ACOT12: variants seen among roughly 807,000 people sequenced by gnomAD.
The protein encoded by ACOT12 is acyl-CoA thioesterase 12, also known as acetyl-coenzyme A thioesterase.
In ACOT12, 51 loss-of-function variants were observed where a neutral mutation model predicts 67.7. That is an observed-to-expected ratio of 0.75 (90% CI 0.60 to 0.95). ACOT12 has a LOEUF of 0.95. Ranked by LOEUF, ACOT12 falls within the 40% of genes least tolerant of loss-of-function variation. ACOT12 has a pLI of 0.00. For synonymous variants in ACOT12, 251 were observed against 244.6 expected, an observed-to-expected ratio of 1.03 and a Z score of -0.24; for missense variants, 734 against 708.1, an observed-to-expected ratio of 1.04 and a Z score of -0.41.
the ACOT12 span, among the ~76,000 whole-genome samples, chr5:81,310,671 G>A: frequency 9.9e-5 from 15 of 152,128 alleles, no homozygotes; most frequent in African/African-American, 2.9e-4. Context: ...TAGGCAGGTG[G>A]GCATTTTTAT....
chr5:81,319,897 C>G, the ACOT12 span, among the ~76,000 whole-genome samples: 12,603 of 146,860 alleles, frequency 0.086, 602 homozygotes, highest in Middle Eastern at 0.19. Context: ...CTGTGACAAA[C>G]CTTTTTAAAA....
chr5:81,373,977 C>T (rs973983571), intron 2 of ACOT12, among the ~76,000 whole-genome samples: 2 of 152,194 alleles, frequency 1.3e-5, no homozygotes, highest in African/African-American at 2.4e-5. Context: ...GCACAGCGTC[C>T]GAGCTCTGAT....
Position 81,345,927 on chromosome 5 carries a change from C to T in ACOT12, c.731G>A (p.Arg244His), listed in dbSNP as rs199607014. The T allele has an allele frequency of 1.4e-5, 23 of 1,613,854 alleles. No individual in the cohort carries two copies. The highest frequency in any genetic ancestry group is 1.7e-5 in the Non-Finnish European group (20 of 1,179,924). The change falls in exon 7 of 15, where the codon CGT becomes CAT. Residue 244 changes from arginine to histidine, a missense_variant. Arg to His is a conservative substitution (Grantham distance 29). Coordinates refer to ENST00000307624, the MANE Select transcript of ACOT12 (RefSeq NM_130767.3). ...GTTGACAATGGCAGTGAAGACAAGA[C>T]GATCTCCAACTGTAGATGGTCCCCG... ...KFRGPSTVGD[R>H]LVFTAIVNNT...
At chr5:81,340,737 T>C (rs769609306) in intron 11 of ACOT12, among the ~76,000 whole-genome samples, 6 of 152,226 alleles carry the variant, frequency 3.9e-5, no homozygotes, top group Non-Finnish European at 8.8e-5. Context: ...ATTAGAGTCA[T>C]ATTTTGAAAT....
intron 2 of ACOT12, among the ~76,000 whole-genome samples, chr5:81,384,074 C>G (rs1760661255): frequency 6.6e-6 from 1 of 151,502 alleles, no homozygotes; most frequent in South Asian, 2.1e-4. Context: ...CAACTTCCAG[C>G]CTTCCAAGCT....
chr5:81,371,338 A>T (rs1760243404), intron 3 of ACOT12, among the ~76,000 whole-genome samples: 1 of 152,074 alleles, frequency 6.6e-6, no homozygotes, highest in Non-Finnish European at 1.5e-5. Flanking sequence ...TTGTAGCCTC[A>T]AACTCCTGGG....
Position 81,361,740 on chromosome 5 carries a change from T to C in ACOT12, c.361-1702A>G, listed in dbSNP as rs557903937. Among the ~76,000 whole-genome samples, 5 of 152,352 alleles carry C rather than the reference T, an allele frequency of 3.3e-5. No homozygotes were observed. The East Asian group carries it at 9.6e-4, about 29-fold the overall frequency. On this transcript the variant is annotated intron_variant, in intron 4 of 14. Coordinates refer to ENST00000307624, the MANE Select transcript of ACOT12 (RefSeq NM_130767.3). Reference sequence around the variant, plus strand: ...TGCTTTCTCCCTCCGCACCATCTGCTTTAGCTTAGTAAGGCTTTGCATGAG... The same window carrying C: ...TGCTTTCTCCCTCCGCACCATCTGCCTTAGCTTAGTAAGGCTTTGCATGAG...
In ACOT12 at chr5:81,368,255, G is replaced by A. The variant is rs1443827584; in HGVS notation, c.258+3495C>T. 6.6e-5 allele frequency among the ~76,000 whole-genome samples: 10 copies of A among 152,168 alleles called. 1 individual carries two copies. The highest frequency in any genetic ancestry group is 2.4e-5 in the African/African-American group (1 of 41,492). The stretch of plus-strand genomic sequence containing the variant: ...TGCAGGGAGCCAAGATCGCACCACC[G>A]CACTACAGCCTGGGAGACAGTTCAA... On this transcript the variant is annotated intron_variant, in intron 3 of 14. Coordinates refer to ENST00000307624, the MANE Select transcript of ACOT12 (RefSeq NM_130767.3).
rs186697818 is a variant in ACOT12, at chr5:81,363,247, C to T, written c.360+541G>A. Among the ~76,000 whole-genome samples, 12 of 152,208 alleles carry T rather than the reference C, an allele frequency of 7.9e-5. No homozygotes were observed. In the East Asian group the frequency reaches 1.7e-3, roughly 22 times the overall value. On this transcript the variant is annotated intron_variant, in intron 4 of 14. Coordinates refer to ENST00000307624, the MANE Select transcript of ACOT12 (RefSeq NM_130767.3). ...TGGATCTGGATCGTGTCCAGGCAGC[C>T]GGCTAGGCAAGCTCATCAGGCCAAA... is the stretch of plus-strand genomic sequence containing the variant.
chr5:81,381,157 C>T (rs996087364), intron 2 of ACOT12, among the ~76,000 whole-genome samples: 1 of 151,946 alleles, frequency 6.6e-6, no homozygotes, highest in Non-Finnish European at 1.5e-5. Context: ...ACCTCCGCCT[C>T]TCAGGTTCAA....
At position 81,343,813 on chromosome 5, in the gene ACOT12, A is replaced by G; in HGVS notation, c.1044+5T>C. 6.2e-7 allele frequency: 1 copy of G among 1,611,634 alleles called. No individual in the cohort carries two copies. The highest frequency in any genetic ancestry group is 8.5e-7 in the Non-Finnish European group (1 of 1,179,436). Reference sequence around the variant, plus strand: ...TATGAAGAGCTCCAAATCACAAAACATCACCTGCTTGCTGATATCCCAGTG... The same window carrying G: ...TATGAAGAGCTCCAAATCACAAAACGTCACCTGCTTGCTGATATCCCAGTG... On this transcript the variant is annotated splice_donor_5th_base_variant and intron_variant, in intron 10 of 14. Coordinates refer to ENST00000307624, the MANE Select transcript of ACOT12 (RefSeq NM_130767.3).
chr5:81,321,307 TC>T, the ACOT12 span, among the ~76,000 whole-genome samples: 1 of 152,172 alleles, frequency 6.6e-6, no homozygotes, highest in Admixed American at 6.5e-5. Flanking sequence ...TCTTGCTGTG[TC>T]CTCATATGGT....
At chr5:81,309,647 G>A in the ACOT12 span, among the ~76,000 whole-genome samples, 1 of 152,186 alleles carries the variant, frequency 6.6e-6, no homozygotes, top group Non-Finnish European at 1.5e-5. Context: ...TTCCCTCCTG[G>A]AGAAGTCCAG....
chr5:81,324,000 G>C, the ACOT12 span, among the ~76,000 whole-genome samples: 1 of 151,518 alleles, frequency 6.6e-6, no homozygotes, highest in Non-Finnish European at 1.5e-5. Flanking sequence ...GGAGTGCAGT[G>C]GTGCGATCTT....
chr5:81,380,610 G>C (rs535692646), intron 2 of ACOT12, among the ~76,000 whole-genome samples: 2 of 150,022 alleles, frequency 1.3e-5, no homozygotes, highest in South Asian at 4.2e-4. Flanking sequence ...AAATATACTG[G>C]AAAAAATACA....
intron 13 of ACOT12, among the ~76,000 whole-genome samples, 157 bp downstream of exon 13, chr5:81,332,320 T>C (rs1758854436): frequency 6.6e-6 from 1 of 152,258 alleles, no homozygotes; most frequent in Non-Finnish European, 1.5e-5. Flanking sequence ...ACTGTTAATT[T>C]TTAAAATAAT....
At position 81,330,955 on chromosome 5, in the gene ACOT12, T is replaced by TGCCACTGTGTAAGTG; in HGVS notation, c.1392-16_1392-15insCACTTACACAGTGGC. ...TGTAAGTGTTACTGAAAGAAAACAC[T>TGCCACTGTGTAAGTG]TTCTAAGCTCTTGTGAGAAATAAAG... On this transcript the variant is annotated splice_polypyrimidine_tract_variant and intron_variant, in intron 13 of 14. Transcript: ENST00000307624. The TGCCACTGTGTAAGTG allele has an allele frequency of 6.3e-7, 1 of 1,576,380 alleles. No homozygotes were observed. The highest frequency in any genetic ancestry group is 8.6e-7 in the Non-Finnish European group (1 of 1,163,474).
At chr5:81,326,325 T>A (rs1758675904), downstream of ACOT12, among the ~76,000 whole-genome samples, 1 of 151,986 alleles carries the variant, frequency 6.6e-6, no homozygotes, top group Non-Finnish European at 1.5e-5. Context: ...GGTTTCTTCA[T>A]GTTGGTCAGG....
intron 2 of ACOT12, among the ~76,000 whole-genome samples, 187 bp downstream of exon 2, chr5:81,385,570 T>TA (rs1327158968): frequency 1.3e-5 from 2 of 152,222 alleles, no homozygotes; most frequent in Non-Finnish European, 1.5e-5. Context: ...AAGTTACACT[T>TA]AAGAGTGTTT....
Sources: gnomAD v4.1 joint callset for allele counts (sites outside exome capture counted in the v4.1 genomes callset) on GRCh38, gnomAD v4.1.1 for gene constraint, MANE v1.5 for transcripts, NCBI Gene and HGNC (gene_info 2026-07-23, HGNC 2026-07-21) for gene names.